The following BSN variants were observed in gnomAD, a reference collection of about 807,000 sequenced individuals.
BSN encodes the protein bassoon presynaptic cytomatrix protein.
Under a neutral mutation model 264.8 loss-of-function variants are expected in BSN, and 57 were observed. The ratio of observed to expected loss-of-function variants is 0.22; its 90% CI spans 0.17 to 0.27. The LOEUF is 0.27. Ranked by LOEUF, BSN falls within the 10% of genes least tolerant of loss-of-function variation. The pLI, the probability that BSN is intolerant of heterozygous loss-of-function variation, is 1.00. For missense variants in BSN, 4,615 were observed against 5,232.5 expected (o/e 0.88, Z 3.64); for synonymous variants, 2,059 against 2,137.3 (o/e 0.96, Z 1.01).
chr3:49,579,642 C>T (rs1386770859), intron 1 of BSN, among the ~76,000 whole-genome samples: 6 of 151,444 alleles, frequency 4.0e-5, no homozygotes, highest in African/African-American at 4.9e-5. Context: ...AGGCTGGTCT[C>T]GAACTCCTGA....
At chr3:49,582,867 T>C (rs1437929613) in intron 1 of BSN, among the ~76,000 whole-genome samples, 3 of 152,174 alleles carry the variant, frequency 2.0e-5, no homozygotes, top group Non-Finnish European at 4.4e-5. Flanking sequence ...GTATTGACTT[T>C]TGTCAAATGC....
At chr3:49,663,946 T>A in intron 8 of BSN, 60 bp downstream of exon 8, 7 of 1,505,488 alleles carry the variant, frequency 4.6e-6, no homozygotes, top group Non-Finnish European at 6.4e-6. Flanking sequence ...GTTCTCTCTC[T>A]ATACCACCTG....
rs746861192 is a variant in BSN, at chr3:49,642,575, C to T, written c.941C>T (p.Thr314Ile). Reference protein sequence around the residue: ...PQPPQPTKPSTAEPRPPAGEA... With the variant: ...PQPPQPTKPSIAEPRPPAGEA... The stretch of plus-strand genomic sequence containing the variant: ...CCCCCTCAACCCACCAAGCCTTCCA[C>T]AGCTGAGCCCAGGCCACCTGCAGGA... Residue 314 changes from threonine to isoleucine, a missense_variant, in exon 3 of 12, where the codon ACA (threonine) becomes ATA (isoleucine). This residue lies in a region of BSN where 1,197 missense variants were observed against 1,348.0 expected (regional missense o/e 0.89). Coordinates refer to ENST00000296452, the MANE Select transcript of BSN (RefSeq NM_003458.4). The surrounding 1 kb of genome is among the most constrained non-coding windows in gnomAD (Gnocchi z 7.0). 1 of 1,605,668 alleles carries T rather than the reference C, an allele frequency of 6.2e-7. No homozygotes were observed. The highest frequency in any genetic ancestry group is 8.5e-7 in the Non-Finnish European group (1 of 1,175,066).
rs2052618518 is a variant in BSN, at chr3:49,657,512, C to T, written c.7956C>T (p.Ser2652=). 6.2e-7 allele frequency: 1 copy of T among 1,613,212 alleles called. No individual in the cohort carries two copies. The highest frequency in any genetic ancestry group is 8.5e-7 in the Non-Finnish European group (1 of 1,180,010). ...AGCACGATGCCACTGCCTCATCATC[C>T]AGTGCTGCTGCCACTGTGAGGGCCA... ...DSKHDATASS[S]SAAATVRAMS... is the part of the protein sequence containing the mutation. Residue 2652 remains serine, a synonymous_variant, in exon 5 of 12, where the codon TCC becomes TCT. Transcript: ENST00000296452.
intron 6 of BSN, 119 bp downstream of exon 6, chr3:49,662,681 G>A (rs1284623352): frequency 7.4e-7 from 1 of 1,349,656 alleles, no homozygotes; most frequent in Non-Finnish European, 9.6e-7. Context: ...CATCTGGTGG[G>A]CCCTGCTGCA....
At chr3:49,664,638 C>T (rs1252309441) in intron 9 of BSN, 84 bp downstream of exon 9, 18 of 1,546,880 alleles carry the variant, frequency 1.2e-5, no homozygotes, top group Non-Finnish European at 1.6e-5. Context: ...ACTCAGTCAC[C>T]CAGGCAGAGG....
Position 49,588,627 on chromosome 3 carries a change from T to C in BSN, c.224+33801T>C, listed in dbSNP as rs147607162. ...ATCCAATGTTTTGATATGCAGTGTT[T>C]TCATTTTAATTCCTCTCAAAGTACT... On this transcript the variant is annotated intron_variant, in intron 1 of 11. Coordinates refer to ENST00000296452, the MANE Select transcript of BSN (RefSeq NM_003458.4). 1.8e-3 allele frequency among the ~76,000 whole-genome samples: 271 copies of C among 152,298 alleles called. 6 individuals carry two copies. The highest frequency in any genetic ancestry group is 2.1e-4 in the Non-Finnish European group (14 of 68,020).
chr3:49,657,695 G>T lies in BSN; in HGVS notation c.8139G>T (p.Gly2713=). 1 of 1,558,304 alleles carries T rather than the reference G, an allele frequency of 6.4e-7. No individual in the cohort carries two copies. Among genetic ancestry groups the T allele is most frequent in the Non-Finnish European group, 8.7e-7 (1 of 1,148,680 alleles). ...CGGCGCCAGAGAAGACTGGGCGTGG[G>T]GAGAGCCTGGCCTGCCAGACGGAGC... ...YISAPEKTGR[G]ESLACQTEPD... The change falls in exon 5 of 12, where the codon GGG becomes GGT. Residue 2713 remains glycine, a synonymous_variant. Coordinates refer to ENST00000296452, the MANE Select transcript of BSN (RefSeq NM_003458.4).
intron 1 of BSN, among the ~76,000 whole-genome samples, chr3:49,578,165 G>A (rs1464419045): frequency 6.6e-6 from 1 of 152,072 alleles, no homozygotes; most frequent in Non-Finnish European, 1.5e-5. Flanking sequence ...TGTAGGCTCG[G>A]CTATCCTTTT....
In BSN at chr3:49,662,995, GC is replaced by G; in HGVS notation, c.10839del (p.Arg3614GlyfsTer181). 1 of 1,614,108 alleles carries G rather than the reference GC, an allele frequency of 6.2e-7. No homozygotes were observed. Among genetic ancestry groups the G allele is most frequent in the Non-Finnish European group, 8.5e-7 (1 of 1,180,024 alleles). On this transcript the variant is annotated frameshift_variant, in exon 7 of 12. Coordinates refer to ENST00000296452, the MANE Select transcript of BSN (RefSeq NM_003458.4). LOFTEE classifies it high-confidence loss of function. ...CTCCTCCTCCCAGAAGCGAGGCCCTGCCAGGCACAGCTACCATGACTACGAT... is the reference window on the plus strand; with the variant it reads ...CTCCTCCTCCCAGAAGCGAGGCCCTGCAGGCACAGCTACCATGACTACGAT... Reference protein sequence around the residue: ...VSSSSQKRGPARHSYHDYDEP... With the variant: ...VSSSSQKRGPXRHSYHDYDEP...
rs775087547 is a variant in BSN, at chr3:49,663,375, A to G, written c.11217A>G (p.Ala3739=). The G allele has an allele frequency of 8.7e-6, 14 of 1,613,286 alleles. No individual in the cohort carries two copies. The South Asian group carries it at 1.5e-4, about 18-fold the overall frequency. Residue 3739 remains alanine (A), a synonymous_variant, in exon 7 of 12, where the codon GCA becomes GCG. Transcript: ENST00000296452. ...GGCCCGCTGCACTGCAGTCAAAGGC[A>G]GAACCCCAGGCGCAGCCGCAGCTGC... is the stretch of plus-strand genomic sequence containing the variant. The part of the protein sequence containing the change: ...HSGPAALQSK[A]EPQAQPQLQG...
At chr3:49,567,333 A>G (rs1354368853) in intron 1 of BSN, among the ~76,000 whole-genome samples, 1 of 152,216 alleles carries the variant, frequency 6.6e-6, no homozygotes, top group Non-Finnish European at 1.5e-5. Context: ...TTAATTTGTA[A>G]GGATTACTTT....
intron 1 of BSN, among the ~76,000 whole-genome samples, chr3:49,592,699 C>T (rs1030902962): frequency 6.7e-5 from 10 of 149,944 alleles, no homozygotes; most frequent in Admixed American, 6.0e-4. Context: ...TGCAGTGAGC[C>T]GAGATAGCGC....
intron 1 of BSN, among the ~76,000 whole-genome samples, chr3:49,595,987 T>C (rs1294367174): frequency 1.3e-5 from 2 of 152,254 alleles, no homozygotes; most frequent in Non-Finnish European, 2.9e-5. Flanking sequence ...TTTCTTTTAC[T>C]TATTTTATTT....
At chr3:49,594,027 C>G (rs1336637314) in intron 1 of BSN, among the ~76,000 whole-genome samples, 1 of 152,054 alleles carries the variant, frequency 6.6e-6, no homozygotes, top group African/African-American at 2.4e-5. Context: ...TGGTCTCGAT[C>G]TCCTGATCTG....
chr3:49,632,714 G>A (rs1224288447), intron 2 of BSN, among the ~76,000 whole-genome samples: 1 of 152,114 alleles, frequency 6.6e-6, no homozygotes, highest in Non-Finnish European at 1.5e-5. Flanking sequence ...TGAGGCAGGA[G>A]AATCGCTTGA....
At chr3:49,663,972 C>G (rs574831976) in intron 8 of BSN, 86 bp downstream of exon 8, 2 of 1,262,228 alleles carry the variant, frequency 1.6e-6, no homozygotes, top group East Asian at 2.4e-5. Context: ...TGAGCTCCCC[C>G]ACACTGCATG....
At chr3:49,626,727 G>A (rs1281139799) in intron 2 of BSN, among the ~76,000 whole-genome samples, 6 of 152,224 alleles carry the variant, frequency 3.9e-5, no homozygotes, top group Non-Finnish European at 5.9e-5. Context: ...GGACTGTACC[G>A]CTATGGGACA....
In BSN at chr3:49,654,134, A is replaced by G. The variant is rs1211944307; in HGVS notation, c.4578A>G (p.Pro1526=). 1.2e-6 allele frequency: 2 copies of G among 1,613,994 alleles called. No individual in the cohort carries two copies. Among genetic ancestry groups the G allele is most frequent in the East Asian group, 2.2e-5 (1 of 44,876 alleles). The change falls in exon 5 of 12, where the codon CCA becomes CCG. Residue 1526 remains proline (P), a synonymous_variant. Coordinates refer to ENST00000296452, the MANE Select transcript of BSN (RefSeq NM_003458.4). The surrounding 1 kb of genome is among the most constrained non-coding windows in gnomAD (Gnocchi z 4.1). ...DMPRSPGAPT[P]SPMVAQGTQT... is the part of the protein sequence containing the mutation. Reference sequence around the variant, plus strand: ...CACGGAGCCCTGGTGCCCCCACTCCATCACCTATGGTAGCCCAGGGTACAC... The same window carrying G: ...CACGGAGCCCTGGTGCCCCCACTCCGTCACCTATGGTAGCCCAGGGTACAC...
Sources: allele counts gnomAD v4.1 joint callset (sites outside exome capture counted in the v4.1 genomes callset), GRCh38; gene constraint gnomAD v4.1.1; regional missense constraint gnomAD v4.1.1; non-coding constraint Gnocchi (gnomAD v3.1); transcripts MANE v1.5; gene names NCBI Gene and HGNC (gene_info 2026-07-23, HGNC 2026-07-21).